Variants in GTF2IRD1 observed in about 807,000 individuals in gnomAD.
The protein encoded by GTF2IRD1 is GTF2I repeat domain containing 1, also known as general transcription factor II-I repeat domain-containing protein 1.
Under a neutral mutation model 113.2 loss-of-function variants are expected in GTF2IRD1, and 26 were observed. The ratio of observed to expected loss-of-function variants is 0.23; its 90% CI spans 0.17 to 0.32. The LOEUF is 0.32. Ranked by LOEUF, GTF2IRD1 falls within the 10% of genes least tolerant of loss-of-function variation. The pLI is 1.00. For synonymous variants in GTF2IRD1, 484 were observed against 529.1 expected (o/e 0.91, Z 1.17); for missense variants, 864 against 1,280.8 (o/e 0.67, Z 4.97).
intron 22 of GTF2IRD1, among the ~76,000 whole-genome samples, chr7:74,566,562 G>C (rs1278422844): frequency 2.6e-5 from 4 of 152,212 alleles, no homozygotes; most frequent in African/African-American, 7.2e-5. Context: ...GGCTGGTCTC[G>C]AACTCCTGAC....
intron 19 of GTF2IRD1, 133 bp from the exon 20 acceptor site, chr7:74,557,506 G>C (rs1382966588): frequency 3.2e-6 from 2 of 619,824 alleles, no homozygotes; most frequent in African/African-American, 3.7e-5. Flanking sequence ...TGAAGGACCT[G>C]AGGGGCCCAC....
At chr7:74,567,698 G>C (rs1166873904) in intron 22 of GTF2IRD1, among the ~76,000 whole-genome samples, 1 of 152,142 alleles carries the variant, frequency 6.6e-6, no homozygotes, top group Non-Finnish European at 1.5e-5. Flanking sequence ...CACACATCGG[G>C]GGGGTCAGGT....
chr7:74,600,982 C>T, intron 25 of GTF2IRD1, 62 bp from the exon 26 acceptor site: 7 of 1,585,180 alleles, frequency 4.4e-6, no homozygotes, highest in Non-Finnish European at 5.2e-6. Context: ...CCAGGGAGCT[C>T]AGGAGGCTGA....
intron 8 of GTF2IRD1, 105 bp downstream of exon 8, chr7:74,524,259 C>G (rs1011825016): frequency 1.2e-4 from 62 of 526,396 alleles, no homozygotes; most frequent in Admixed American, 7.4e-4. Flanking sequence ...GAGCCATATG[C>G]TGGCTCCCGC....
chr7:74,465,524 A>T lies in GTF2IRD1; in HGVS notation c.-7+11348A>T, dbSNP rs368244837. On this transcript the variant is annotated intron_variant, in intron 1 of 26. Coordinates refer to ENST00000424337, the MANE Select transcript of GTF2IRD1 (RefSeq NM_005685.4). Reference sequence around the variant, plus strand: ...CTGAAAAAACAAGGATAGTTTTCTTATATAGTATTGCCAGGTTCTTGGGAA... The same window carrying T: ...CTGAAAAAACAAGGATAGTTTTCTTTTATAGTATTGCCAGGTTCTTGGGAA... Among the ~76,000 whole-genome samples, 67 of 152,268 alleles carry T rather than the reference A, an allele frequency of 4.4e-4. 1 individual carries two copies. In the South Asian group the frequency reaches 0.013, roughly 30 times the overall value.
At chr7:74,544,107 A>T (rs1343817512) in intron 14 of GTF2IRD1, among the ~76,000 whole-genome samples, 1 of 152,042 alleles carries the variant, frequency 6.6e-6, no homozygotes, top group Non-Finnish European at 1.5e-5. Flanking sequence ...TTCCTTTTGT[A>T]TGTTTTTATC....
chr7:74,559,107 C>T (rs1799791413), intron 21 of GTF2IRD1, 63 bp downstream of exon 21: 9 of 1,448,880 alleles, frequency 6.2e-6, no homozygotes, highest in Admixed American at 1.8e-5. Context: ...CTTGCACCTG[C>T]GAATCCTTAG....
chr7:74,484,708 C>T (rs1442258736), intron 1 of GTF2IRD1, among the ~76,000 whole-genome samples: 1 of 152,146 alleles, frequency 6.6e-6, no homozygotes, highest in Non-Finnish European at 1.5e-5. Context: ...ATCCACCCGC[C>T]TCAGCCTCCC....
intron 22 of GTF2IRD1, chr7:74,572,580 C>G (rs1800757903): frequency 5.1e-6 from 5 of 982,482 alleles, no homozygotes; most frequent in Non-Finnish European, 6.0e-6. Flanking sequence ...CTCCATGATC[C>G]TCCCTTCTGC....
chr7:74,461,418 T>G (rs544114342), intron 1 of GTF2IRD1, among the ~76,000 whole-genome samples: 2 of 152,246 alleles, frequency 1.3e-5, no homozygotes, highest in African/African-American at 4.8e-5. Context: ...TTCTGGCTAC[T>G]GGCAGAACCA....
chr7:74,508,652 T>C (rs1462165235), intron 2 of GTF2IRD1, among the ~76,000 whole-genome samples: 6 of 149,034 alleles, frequency 4.0e-5, no homozygotes, highest in Non-Finnish European at 7.4e-5. Context: ...GGTCGTGCCA[T>C]TGTACTCCAG....
rs536094563 is a variant in GTF2IRD1, at chr7:74,478,367, A to T, written c.-7+24191A>T. On this transcript the variant is annotated intron_variant, in intron 1 of 26. Coordinates refer to ENST00000424337, the MANE Select transcript of GTF2IRD1 (RefSeq NM_005685.4). ...GCCCAGCGCCAGGCCCTGTTCACACATTCTCACGTGGGGCTCTCACAGAGC... is the reference window on the plus strand; with the variant it reads ...GCCCAGCGCCAGGCCCTGTTCACACTTTCTCACGTGGGGCTCTCACAGAGC... 2.6e-5 allele frequency among the ~76,000 whole-genome samples: 4 copies of T among 152,338 alleles called. No individual in the cohort carries two copies. The South Asian group carries it at 8.3e-4, about 32-fold the overall frequency.
At chr7:74,546,368 C>T (rs1224627404) in intron 16 of GTF2IRD1, among the ~76,000 whole-genome samples, 1 of 151,826 alleles carries the variant, frequency 6.6e-6, no homozygotes, top group Non-Finnish European at 1.5e-5. Flanking sequence ...ATTACAGGCA[C>T]CTGCCACCAT....
rs782646681 is a variant in GTF2IRD1, at chr7:74,519,392, T to C, written c.606-17T>C. ...ACAGATGTACAAAGCTGTCCATGTG[T>C]CCTCTCCTTTACTCAGGCCACTTGA... On this transcript the variant is annotated splice_polypyrimidine_tract_variant and intron_variant, in intron 5 of 26. Transcript: ENST00000424337. The C allele has an allele frequency of 7.3e-6, 11 of 1,498,598 alleles. No homozygotes were observed. Among genetic ancestry groups the C allele is most frequent in the Non-Finnish European group, 9.8e-6 (11 of 1,120,554 alleles). The allele number at this position is 1,498,598 out of a possible 1,614,324, so 92.8% of individuals were successfully genotyped here. A position where few individuals can be genotyped will look rare whatever the true frequency, so the allele number is the denominator to read the frequency against.
At position 74,518,342 on chromosome 7, in the gene GTF2IRD1, C is replaced by T. The variant is rs1160334154; in HGVS notation, c.605+20C>T. 17 of 1,557,554 alleles carry T rather than the reference C, an allele frequency of 1.1e-5. No homozygotes were observed. The highest frequency in any genetic ancestry group is 3.5e-5 in the South Asian group (3 of 85,780). The stretch of plus-strand genomic sequence containing the variant: ...CAAGAGGTGAGTGAGGTAGCCGGCC[C>T]GGGGCTGGGCTGGGGCTGGGCCAGG... On this transcript the variant is annotated intron_variant, in intron 5 of 26. Coordinates refer to ENST00000424337, the MANE Select transcript of GTF2IRD1 (RefSeq NM_005685.4).
At chr7:74,558,420 C>T (rs183854811) in intron 20 of GTF2IRD1, among the ~76,000 whole-genome samples, 201 of 114,972 alleles carry the variant, frequency 1.7e-3, no homozygotes, top group Non-Finnish European at 2.7e-3. Context: ...AGTACAGTGG[C>T]GTGATCATGG....
intron 1 of GTF2IRD1, among the ~76,000 whole-genome samples, chr7:74,472,818 T>C (rs1202780682): frequency 6.6e-6 from 1 of 152,202 alleles, no homozygotes; most frequent in Non-Finnish European, 1.5e-5. Flanking sequence ...TGGGCCTCCT[T>C]GCCCTCCTGC....
At chr7:74,458,059 TG>T (rs2116861865) in intron 1 of GTF2IRD1, among the ~76,000 whole-genome samples, 1 of 151,832 alleles carries the variant, frequency 6.6e-6, no homozygotes, top group Non-Finnish European at 1.5e-5. Flanking sequence ...TTAGTAGAGA[TG>T]GGGTTTCATC....
chr7:74,482,504 G>A (rs897448911), intron 1 of GTF2IRD1, among the ~76,000 whole-genome samples: 6 of 151,932 alleles, frequency 3.9e-5, no homozygotes, highest in Non-Finnish European at 7.4e-5. Context: ...CTGGGATTAC[G>A]GGTGCGAGCC....
Sources: gnomAD v4.1 joint callset for allele counts (sites outside exome capture counted in the v4.1 genomes callset) on GRCh38, gnomAD v4.1.1 for gene constraint, MANE v1.5 for transcripts, NCBI Gene and HGNC (gene_info 2026-07-23, HGNC 2026-07-21) for gene names.